The following NCAM1 variants were observed in gnomAD, a reference collection of about 807,000 sequenced individuals.
NCAM1 encodes neural cell adhesion molecule 1.
A neutral mutation model predicts 109.8 loss-of-function variants in NCAM1; 14 were observed. The ratio of observed to expected loss-of-function variants is 0.13; its 90% confidence interval spans 0.08 to 0.20. NCAM1 has a LOEUF of 0.20. Ranked by LOEUF, NCAM1 falls within the 10% of genes least tolerant of loss-of-function variation. The pLI is 1.00. For missense variants in NCAM1, 774 were observed against 1,109.9 expected (o/e 0.70, Z 4.30); for synonymous variants, 418 against 442.9 (o/e 0.94, Z 0.70).
At position 113,227,012 on chromosome 11, in the gene NCAM1, T is replaced by C. The variant is rs550315438; in HGVS notation, c.1090-4633T>C. ...TAAAATTGACACCCTAACACCACAA[T>C]TAAAAGAACTAGAGAAGCAAGAGCA... On this transcript the variant is annotated intron_variant, in intron 9 of 19. Transcript: ENST00000316851. 9.2e-5 allele frequency among the ~76,000 whole-genome samples: 14 copies of C among 152,094 alleles called. No homozygotes were observed. The South Asian group carries it at 2.9e-3, about 32-fold the overall frequency.
intron 1 of NCAM1, among the ~76,000 whole-genome samples, chr11:113,007,222 C>T (rs1195509945): frequency 6.6e-6 from 1 of 152,102 alleles, no homozygotes; most frequent in African/African-American, 2.4e-5. Flanking sequence ...GACAGGGTTT[C>T]ACTCTGTTAC....
chr11:112,961,577 C>A lies in NCAM1; in HGVS notation c.-36C>A. ...GCAGGGGGGGGGGCACAGAATTTAC[C>A]GCGGCAAGAACATCCCTCCCAGCCA... On this transcript the variant is annotated 5_prime_UTR_variant, in exon 1 of 20. Coordinates refer to ENST00000316851, the MANE Select transcript of NCAM1 (RefSeq NM_181351.5). 2.2e-6 allele frequency: 3 copies of A among 1,366,244 alleles called. No homozygotes were observed. Among genetic ancestry groups the A allele is most frequent in the Non-Finnish European group, 3.1e-6 (3 of 955,916 alleles). 84.6% of individuals were successfully genotyped at this position (1,366,244 alleles called of 1,614,324 possible).
At chr11:113,006,758 T>C (rs1555073397) in intron 1 of NCAM1, among the ~76,000 whole-genome samples, 1 of 152,126 alleles carries the variant, frequency 6.6e-6, no homozygotes, top group East Asian at 1.9e-4. Context: ...ATAATAGCCC[T>C]GAGGGGATCC....
chr11:113,267,179 G>A (rs782511188), intron 17 of NCAM1, among the ~76,000 whole-genome samples: 11 of 152,076 alleles, frequency 7.2e-5, no homozygotes, highest in African/African-American at 2.7e-4. Flanking sequence ...TTAAATATTT[G>A]GAAATAGTAT....
intron 7 of NCAM1, among the ~76,000 whole-genome samples, chr11:113,211,221 A>T (rs1171706937): frequency 2.0e-5 from 3 of 152,032 alleles, no homozygotes; most frequent in Non-Finnish European, 4.4e-5. Flanking sequence ...GTGGCCCATC[A>T]CTGGGGGAGA....
At chr11:113,194,948 G>A (rs1555110564) in intron 1 of NCAM1, among the ~76,000 whole-genome samples, 1 of 152,224 alleles carries the variant, frequency 6.6e-6, no homozygotes. Flanking sequence ...TATGTAAGAG[G>A]ACCCCAACTA....
In NCAM1 at chr11:112,963,447, T is replaced by G. The variant is rs6589348; in HGVS notation, c.52+1783T>G. On this transcript the variant is annotated intron_variant, in intron 1 of 19. Coordinates refer to ENST00000316851, the MANE Select transcript of NCAM1 (RefSeq NM_181351.5). This position sits in a 1 kb window ranked among gnomAD's most constrained non-coding sequence, Gnocchi z 4.6. ...GGGAGGGCATCCTGGCAGGCACACC[T>G]ACGCGCGTGCGCTGACCGGCCGACC... is the stretch of plus-strand genomic sequence containing the variant. The G allele has an allele frequency of 1, 152,259 of 152,262 alleles. 76,128 individuals are homozygous for G. The highest frequency in any genetic ancestry group is 1 in the Non-Finnish European group (68,086 of 68,086). 9.4% of individuals were successfully genotyped at this position (152,262 alleles called of 1,614,324 possible).
intron 1 of NCAM1, among the ~76,000 whole-genome samples, chr11:113,019,871 C>T (rs566916164): frequency 2.0e-5 from 3 of 152,286 alleles, no homozygotes; most frequent in Non-Finnish European, 2.9e-5. Flanking sequence ...GAAGTCTAGA[C>T]GCCACCTTTG....
intron 14 of NCAM1, among the ~76,000 whole-genome samples, chr11:113,236,553 T>C (rs1555118337): frequency 6.6e-6 from 1 of 152,110 alleles, no homozygotes; most frequent in East Asian, 1.9e-4. Context: ...CTTTGGAAAT[T>C]GTGCTTATTT....
intron 1 of NCAM1, among the ~76,000 whole-genome samples, chr11:113,145,786 C>G (rs549472376): frequency 6.6e-6 from 1 of 150,484 alleles, no homozygotes; most frequent in Admixed American, 6.7e-5. Flanking sequence ...CCCTGAGAAA[C>G]AGGCCATGAA....
intron 1 of NCAM1, among the ~76,000 whole-genome samples, chr11:113,110,376 A>G (rs1206509066): frequency 6.6e-6 from 1 of 152,180 alleles, no homozygotes; most frequent in Non-Finnish European, 1.5e-5. Context: ...ATGAACATCT[A>G]TGATTGCTTG....
intron 1 of NCAM1, among the ~76,000 whole-genome samples, chr11:113,175,044 T>A (rs1943104537): frequency 6.6e-6 from 1 of 152,220 alleles, no homozygotes; most frequent in African/African-American, 2.4e-5. Context: ...CAGAGGTGCC[T>A]TGGCAACTGA....
At position 113,095,173 on chromosome 11, in the gene NCAM1, T is replaced by C. The variant is rs193060443; in HGVS notation, c.53-107206T>C. Reference sequence around the variant, plus strand: ...AGAATATGATTGAAGAGCGGCAGTATAGCTGATCCATCATAAATTAACATT... The same window carrying C: ...AGAATATGATTGAAGAGCGGCAGTACAGCTGATCCATCATAAATTAACATT... On this transcript the variant is annotated intron_variant, in intron 1 of 19. Transcript: ENST00000316851. 3.7e-3 allele frequency among the ~76,000 whole-genome samples: 565 copies of C among 152,300 alleles called. 1 individual carries two copies. The highest frequency in any genetic ancestry group is 0.013 in the African/African-American group (523 of 41,556).
chr11:113,156,988 T>C (rs1942431697), intron 1 of NCAM1, among the ~76,000 whole-genome samples: 1 of 152,184 alleles, frequency 6.6e-6, no homozygotes, highest in Non-Finnish European at 1.5e-5. Flanking sequence ...TTGGATGTCC[T>C]GGGTTGCCCA....
chr11:113,264,114 A>G, intron 17 of NCAM1: 1 of 985,152 alleles, frequency 1.0e-6, no homozygotes, highest in Non-Finnish European at 1.2e-6. Flanking sequence ...GTGCTTGGGG[A>G]TGGACCTTCT....
chr11:113,076,426 A>G (rs1361662974), intron 1 of NCAM1, among the ~76,000 whole-genome samples: 1 of 152,178 alleles, frequency 6.6e-6, no homozygotes, highest in Admixed American at 6.5e-5. Flanking sequence ...ATGGCAACAC[A>G]ACATTAGCTG....
intron 1 of NCAM1, among the ~76,000 whole-genome samples, chr11:113,053,416 A>G (rs1953581105): frequency 6.6e-6 from 1 of 152,184 alleles, no homozygotes; most frequent in Non-Finnish European, 1.5e-5. Context: ...TCCTTTGGGT[A>G]TATAACCAGT....
chr11:113,174,497 A>C (rs550038196), intron 1 of NCAM1, among the ~76,000 whole-genome samples: 4 of 152,332 alleles, frequency 2.6e-5, no homozygotes, highest in African/African-American at 9.6e-5. Flanking sequence ...TTGTCAGCAG[A>C]TATGGCTGTG....
rs895534737 is a variant in NCAM1, at chr11:113,274,919, C to A, written c.2457-348C>A. Among the ~76,000 whole-genome samples, 1 of 152,218 alleles carries A rather than the reference C, an allele frequency of 6.6e-6. No individual in the cohort carries two copies. The highest frequency in any genetic ancestry group is 2.4e-5 in the African/African-American group (1 of 41,454). ...GAGGAGGAGCTGCCTCTGCTGCCCC[C>A]TTCCACCACCCCAGGTAAAAACACA... On this transcript the variant is annotated intron_variant, in intron 19 of 19. Transcript: ENST00000316851. This position sits in a 1 kb window ranked among gnomAD's most constrained non-coding sequence, Gnocchi z 4.1.
Sources: allele counts gnomAD v4.1 joint callset (sites outside exome capture counted in the v4.1 genomes callset), GRCh38; gene constraint gnomAD v4.1.1; non-coding constraint Gnocchi (gnomAD v3.1); transcripts MANE v1.5; gene names NCBI Gene and HGNC (gene_info 2026-07-23, HGNC 2026-07-21).